ZNF385D: variants seen among roughly 807,000 people sequenced by gnomAD.
ZNF385D encodes the protein zinc finger protein 385D.
ZNF385D carries 15 observed loss-of-function variants against 35.8 expected under a neutral mutation model. The observed-to-expected ratio is 0.42, with a 90% CI of 0.28 to 0.64. ZNF385D has a LOEUF of 0.64. ZNF385D is among the 30% of genes least tolerant of loss of function. The pLI is 0.23. For synonymous variants in ZNF385D, 212 were observed against 186.8 expected (o/e 1.13, Z -1.10); for missense variants, 474 against 494.6 (o/e 0.96, Z 0.39).
At chr3:21,471,254 T>TC (rs1703866728) in intron 4 of ZNF385D, among the ~76,000 whole-genome samples, 1 of 105,170 alleles carries the variant, frequency 9.5e-6, no homozygotes, top group African/African-American at 4.0e-5. Context: ...CTCCCTCCCT[T>TC]TCTCTCTCTC....
intron 3 of ZNF385D, among the ~76,000 whole-genome samples, chr3:22,141,029 A>T (rs571072978): frequency 6.6e-6 from 1 of 152,218 alleles, no homozygotes; most frequent in Non-Finnish European, 1.5e-5. Context: ...TCATGTCCTG[A>T]GCAATTTATA....
chr3:21,640,067 T>C (rs1458211871), intron 2 of ZNF385D, among the ~76,000 whole-genome samples: 2 of 149,430 alleles, frequency 1.3e-5, no homozygotes, highest in African/African-American at 2.6e-5. Flanking sequence ...ATCAGAATGC[T>C]TTCTTTCTTT....
intron 3 of ZNF385D, among the ~76,000 whole-genome samples, chr3:22,026,951 G>T (rs144062787): frequency 1.1e-3 from 165 of 152,320 alleles, no homozygotes; most frequent in African/African-American, 3.8e-3. Context: ...AATTTCAGCT[G>T]TTGCACCACA....
intron 3 of ZNF385D, among the ~76,000 whole-genome samples, chr3:22,039,158 C>T (rs1172552139): frequency 6.6e-6 from 1 of 150,402 alleles, no homozygotes; most frequent in African/African-American, 2.4e-5. Flanking sequence ...TAGCAAAAAA[C>T]CTCTAAGGAT....
At chr3:21,902,873 C>G (rs1191418513) in intron 3 of ZNF385D, among the ~76,000 whole-genome samples, 1 of 152,000 alleles carries the variant, frequency 6.6e-6, no homozygotes, top group East Asian at 1.9e-4. Flanking sequence ...ATAATACACC[C>G]CTTTAGTAGG....
At chr3:21,738,207 G>A (rs145599780) in intron 1 of ZNF385D, among the ~76,000 whole-genome samples, 1 of 152,282 alleles carries the variant, frequency 6.6e-6, no homozygotes, top group East Asian at 1.9e-4. Context: ...CTATTGGAAT[G>A]GTGAGAATAC....
intron 2 of ZNF385D, among the ~76,000 whole-genome samples, chr3:21,619,244 C>T (rs1000247851): frequency 8.5e-5 from 13 of 152,244 alleles, no homozygotes; most frequent in Admixed American, 4.6e-4. Flanking sequence ...GATTTGTTCT[C>T]TCATCTCCTC....
At chr3:21,742,553 G>T (rs890973389) in intron 1 of ZNF385D, among the ~76,000 whole-genome samples, 4 of 152,132 alleles carry the variant, frequency 2.6e-5, no homozygotes, top group African/African-American at 9.7e-5. Context: ...AGTCGGCCTC[G>T]GCTCAGTTCT....
intron 2 of ZNF385D, among the ~76,000 whole-genome samples, chr3:22,248,420 T>C (rs1291732109): frequency 6.6e-6 from 1 of 152,164 alleles, no homozygotes; most frequent in Non-Finnish European, 1.5e-5. Flanking sequence ...AAAGTAGATA[T>C]TATATATTCA....
intron 3 of ZNF385D, among the ~76,000 whole-genome samples, chr3:21,914,680 T>C (rs972328966): frequency 7.2e-5 from 11 of 152,072 alleles, no homozygotes; most frequent in African/African-American, 2.4e-4. Context: ...ACAAACACTG[T>C]ACATTGCTGC....
chr3:22,013,293 G>A (rs919978443), intron 3 of ZNF385D, among the ~76,000 whole-genome samples: 1 of 152,032 alleles, frequency 6.6e-6, no homozygotes, highest in African/African-American at 2.4e-5. Context: ...ATTATACATA[G>A]TATATATATA....
intron 2 of ZNF385D, among the ~76,000 whole-genome samples, chr3:21,566,864 C>G (rs1490081428): frequency 6.6e-6 from 1 of 152,108 alleles, no homozygotes; most frequent in Non-Finnish European, 1.5e-5. Flanking sequence ...TCCTCCCAGA[C>G]CCTGAAACCA....
At chr3:21,487,394 A>C (rs1475038470) in intron 4 of ZNF385D, among the ~76,000 whole-genome samples, 1 of 152,070 alleles carries the variant, frequency 6.6e-6, no homozygotes, top group Non-Finnish European at 1.5e-5. Flanking sequence ...AGAGGGGCTC[A>C]AACATGTAGG....
At chr3:22,331,031 T>C (rs1353762249) in intron 2 of ZNF385D, among the ~76,000 whole-genome samples, 1 of 152,218 alleles carries the variant, frequency 6.6e-6, no homozygotes, top group South Asian at 2.1e-4. Flanking sequence ...TACATATATA[T>C]GCACATTTAT....
chr3:21,783,076 T>G (rs1203362310), intron 3 of ZNF385D, among the ~76,000 whole-genome samples: 5 of 152,158 alleles, frequency 3.3e-5, no homozygotes, highest in African/African-American at 1.2e-4. Context: ...TGATCACTAC[T>G]CTCCTGATTT....
At chr3:21,821,094 A>C (rs1426984390) in intron 3 of ZNF385D, among the ~76,000 whole-genome samples, 1 of 152,070 alleles carries the variant, frequency 6.6e-6, no homozygotes, top group Non-Finnish European at 1.5e-5. Flanking sequence ...AACTTCAAGA[A>C]ATTGATAATT....
intron 3 of ZNF385D, among the ~76,000 whole-genome samples, chr3:22,058,100 C>T (rs1453769358): frequency 6.6e-6 from 1 of 152,188 alleles, no homozygotes; most frequent in African/African-American, 2.4e-5. Context: ...AGCTGACAGA[C>T]AGCAGAAAGG....
intron 2 of ZNF385D, among the ~76,000 whole-genome samples, chr3:22,356,043 G>A (rs1056929278): frequency 4.6e-5 from 7 of 152,018 alleles, no homozygotes; most frequent in Admixed American, 1.3e-4. Flanking sequence ...AAAAACCTAT[G>A]CAGAAAAATA....
At chr3:21,426,170 G>T (rs560742671) in intron 5 of ZNF385D, among the ~76,000 whole-genome samples, 1 of 152,272 alleles carries the variant, frequency 6.6e-6, no homozygotes, top group Admixed American at 6.5e-5. Context: ...TTTCTAAACA[G>T]AATACAAACA....
Sources: gnomAD v4.1 joint callset for allele counts (sites outside exome capture counted in the v4.1 genomes callset) on GRCh38, gnomAD v4.1.1 for gene constraint, MANE v1.5 for transcripts, NCBI Gene and HGNC (gene_info 2026-07-23, HGNC 2026-07-21) for gene names.